SLC35D2: variants seen among roughly 807,000 people sequenced by gnomAD.
The protein encoded by SLC35D2 is nucleotide sugar transporter SLC35D2.
Under a neutral mutation model 41.8 loss-of-function variants are expected in SLC35D2, and 43 were observed. That is an observed-to-expected ratio of 1.03 (90% CI 0.81 to 1.33). The LOEUF (loss-of-function observed/expected upper bound fraction) is 1.33, where lower values mean the gene tolerates loss of function less well. SLC35D2 is among the 40% of genes most tolerant of loss of function. The probability of loss-of-function intolerance (pLI) is 0.00; values close to 1 mark genes in which losing one functional copy is unlikely to be tolerated. For missense variants in SLC35D2, 380 were observed against 408.4 expected (o/e 0.93, Z 0.60); for synonymous variants, 150 against 163.9 (o/e 0.92, Z 0.65).
At chr9:96,373,225 C>T (rs2131021757) in intron 1 of SLC35D2, among the ~76,000 whole-genome samples, 1 of 152,188 alleles carries the variant, frequency 6.6e-6, no homozygotes, top group South Asian at 2.1e-4. Context: ...AAGCCACTTG[C>T]TATGTGGAGC....
chr9:96,357,649 T>C (rs2130959588), intron 4 of SLC35D2: 1 of 152,250 alleles, frequency 6.6e-6, no homozygotes, highest in East Asian at 1.9e-4. Flanking sequence ...TAGAAGTAAA[T>C]CTTTATGACC....
chr9:96,362,032 T>C (rs1830298117), intron 3 of SLC35D2, among the ~76,000 whole-genome samples: 1 of 152,302 alleles, frequency 6.6e-6, no homozygotes, highest in South Asian at 2.1e-4. Context: ...ACATCCAAAT[T>C]ACAATAGAAC....
At chr9:96,362,026 C>T (rs1830297992) in intron 3 of SLC35D2, among the ~76,000 whole-genome samples, 1 of 152,078 alleles carries the variant, frequency 6.6e-6, no homozygotes. Context: ...CTGGAAACAT[C>T]CAAATTACAA....
At chr9:96,363,759 T>G (rs1250414863) in intron 3 of SLC35D2, among the ~76,000 whole-genome samples, 1 of 152,246 alleles carries the variant, frequency 6.6e-6, no homozygotes, top group Non-Finnish European at 1.5e-5. Context: ...CTTGTTTATG[T>G]AAATAAAGTT....
At chr9:96,316,986 A>G (rs967268180), downstream of SLC35D2, among the ~76,000 whole-genome samples, 5 of 152,016 alleles carry the variant, frequency 3.3e-5, no homozygotes, top group African/African-American at 1.2e-4. Context: ...AAAATACAAA[A>G]AACTAGCCGG....
chr9:96,322,111 T>C, intron 10 of SLC35D2, 31 bp from the exon 11 acceptor site: 4 of 1,389,752 alleles, frequency 2.9e-6, no homozygotes, highest in South Asian at 1.2e-5. Flanking sequence ...TTCGTCATTT[T>C]AAAAGTAAAC....
In SLC35D2 at chr9:96,383,541, G is replaced by A. The variant is rs1758987564; in HGVS notation, c.94C>T (p.Leu32Phe). 1 of 1,509,682 alleles carries A rather than the reference G, an allele frequency of 6.6e-7. No homozygotes were observed. Among genetic ancestry groups the A allele is most frequent in the African/African-American group, 1.5e-5 (1 of 68,868 alleles). The allele number at this position is 1,509,682 out of a possible 1,614,324, so 93.5% of individuals were successfully genotyped here. A position where few individuals can be genotyped will look rare whatever the true frequency, so the allele number is the denominator to read the frequency against. ...AGGAAGGAGCAGGTCCCGTAGAAGAGCGCCGACAGCAGCCGGGCCACCCGC... is the reference window on the plus strand; with the variant it reads ...AGGAAGGAGCAGGTCCCGTAGAAGAACGCCGACAGCAGCCGGGCCACCCGC... ...PSRVARLLSA[L>F]FYGTCSFLIV... The change falls in exon 1 of 12, where the codon CTC (leucine) becomes TTC (phenylalanine). Residue 32 changes from leucine to phenylalanine, a missense_variant. Leu to Phe is a conservative substitution (Grantham distance 22). Coordinates refer to ENST00000253270, the MANE Select transcript of SLC35D2 (RefSeq NM_007001.3).
chr9:96,320,465 G>A (rs185159465), downstream of SLC35D2, among the ~76,000 whole-genome samples: 363 of 150,932 alleles, frequency 2.4e-3, 2 homozygotes, highest in Non-Finnish European at 2.3e-3. Context: ...GCAGTGAGCC[G>A]AGATTGCACC....
At chr9:96,364,089 G>A (rs1362410343) in intron 3 of SLC35D2, among the ~76,000 whole-genome samples, 1 of 152,220 alleles carries the variant, frequency 6.6e-6, no homozygotes, top group Non-Finnish European at 1.5e-5. Flanking sequence ...GCTAAGGTGG[G>A]TGGATCACTT....
chr9:96,341,091 A>C (rs1415076259), intron 8 of SLC35D2, among the ~76,000 whole-genome samples: 1 of 152,174 alleles, frequency 6.6e-6, no homozygotes. Flanking sequence ...GTTTGAGACC[A>C]TCCTGGCCAA....
At chr9:96,332,087 TA>T (rs907418172) in intron 9 of SLC35D2, among the ~76,000 whole-genome samples, 1 of 152,148 alleles carries the variant, frequency 6.6e-6, no homozygotes, top group Non-Finnish European at 1.5e-5. Flanking sequence ...GTCGGCTTCT[TA>T]ACAAAACATT....
chr9:96,376,236 A>C (rs1418660611), intron 1 of SLC35D2, among the ~76,000 whole-genome samples: 1 of 147,882 alleles, frequency 6.8e-6, no homozygotes, highest in Non-Finnish European at 1.5e-5. Flanking sequence ...TGGAGGTTGC[A>C]GTGAGCCTAG....
chr9:96,361,139 A>G lies in SLC35D2; in HGVS notation c.280-918T>C, dbSNP rs541100008. ...CAGAAGGTGAATTGGTATAGCCACC[A>G]TGAAGAACAGTTCAACGATACATAT... is the stretch of plus-strand genomic sequence containing the variant. On this transcript the variant is annotated intron_variant, in intron 3 of 11. Coordinates refer to ENST00000253270, the MANE Select transcript of SLC35D2 (RefSeq NM_007001.3). Among the ~76,000 whole-genome samples the G allele has an allele frequency of 1.5e-3, 236 of 152,330 alleles. 2 individuals are homozygous for G. Among genetic ancestry groups the G allele is most frequent in the South Asian group, 0.013 (64 of 4,832 alleles).
intron 2 of SLC35D2, among the ~76,000 whole-genome samples, chr9:96,366,737 A>G (rs1283093361): frequency 4.0e-5 from 6 of 150,618 alleles, no homozygotes; most frequent in Non-Finnish European, 7.4e-5. Context: ...CGGCCTCCCA[A>G]AGTGCTAGGA....
chr9:96,371,295 T>A (rs1830663486), intron 1 of SLC35D2, among the ~76,000 whole-genome samples: 1 of 151,460 alleles, frequency 6.6e-6, no homozygotes, highest in Non-Finnish European at 1.5e-5. Flanking sequence ...TGAAACCCCA[T>A]CTCTACTAAA....
chr9:96,325,735 G>A (rs1331993999), intron 9 of SLC35D2, among the ~76,000 whole-genome samples: 1 of 152,200 alleles, frequency 6.6e-6, no homozygotes, highest in African/African-American at 2.4e-5. Context: ...CATTGACAGA[G>A]AGAAGTGAAC....
intron 9 of SLC35D2, among the ~76,000 whole-genome samples, chr9:96,327,556 A>T (rs1356665269): frequency 6.6e-6 from 1 of 152,116 alleles, no homozygotes; most frequent in Admixed American, 6.6e-5. Flanking sequence ...CTCAGTGAGC[A>T]GCCATCCTCC....
intron 1 of SLC35D2, among the ~76,000 whole-genome samples, chr9:96,380,262 T>C (rs1034871576): frequency 6.6e-6 from 1 of 152,024 alleles, no homozygotes; most frequent in Admixed American, 6.6e-5. Context: ...GCCCTTCATC[T>C]TCAAAGCACT....
intron 8 of SLC35D2, among the ~76,000 whole-genome samples, chr9:96,341,197 G>C (rs1355232008): frequency 6.6e-6 from 1 of 152,138 alleles, no homozygotes; most frequent in Non-Finnish European, 1.5e-5. Context: ...CGAGGCAGGA[G>C]AATTGCTTGA....
Sources: allele counts gnomAD v4.1 joint callset (sites outside exome capture counted in the v4.1 genomes callset), GRCh38; gene constraint gnomAD v4.1.1; transcripts MANE v1.5; gene names NCBI Gene and HGNC (gene_info 2026-07-23, HGNC 2026-07-21).